The following SNRNP27 variants were observed in gnomAD, a reference collection of about 807,000 sequenced individuals.
SNRNP27 encodes the protein small nuclear ribonucleoprotein U4/U6.U5 subunit 27.
In SNRNP27, 22 loss-of-function variants were observed where a neutral mutation model predicts 25.1. The observed-to-expected ratio is 0.88, with a 90% CI of 0.63 to 1.25. The LOEUF is 1.25. Ranked by LOEUF, SNRNP27 falls within the 50% of genes most tolerant of loss-of-function variation. The pLI, the probability that SNRNP27 is intolerant of heterozygous loss-of-function variation, is 0.00. For synonymous variants in SNRNP27, 66 were observed against 64.9 expected, an observed-to-expected ratio of 1.02 and a Z score of -0.08; for missense variants, 150 against 202.3, an observed-to-expected ratio of 0.74 and a Z score of 1.57.
chr2:69,903,321 T>C lies in SNRNP27; in HGVS notation c.413+76T>C, dbSNP rs865810035. ...TTCAAACTTTATTATGAGATAATCA[T>C]GTTTGTAGGAAATGTAGCAGTTTTC... is the stretch of plus-strand genomic sequence containing the variant. On this transcript the variant is annotated intron_variant, in intron 5 of 5. Coordinates refer to ENST00000244227, the MANE Select transcript of SNRNP27 (RefSeq NM_006857.3). 6.3e-5 allele frequency: 66 copies of C among 1,040,402 alleles called. No homozygotes were observed. In the Middle Eastern group the frequency reaches 6.5e-4, roughly 10 times the overall value. The allele number at this position is 1,040,402 out of a possible 1,614,324, so 64.4% of individuals were successfully genotyped here.
At chr2:69,897,134 C>G (rs922168060) in intron 3 of SNRNP27, among the ~76,000 whole-genome samples, 1 of 97,596 alleles carries the variant, frequency 1.0e-5, no homozygotes, top group Non-Finnish European at 1.8e-5. Context: ...ATATGAAACC[C>G]AGGTTTTTTT....
At chr2:69,900,870 A>G (rs1268492082) in intron 4 of SNRNP27, among the ~76,000 whole-genome samples, 2 of 152,150 alleles carry the variant, frequency 1.3e-5, no homozygotes, top group Non-Finnish European at 2.9e-5. Context: ...TCATGGTTTT[A>G]TAGGGTAGAA....
rs141056929 is a variant in SNRNP27, at chr2:69,902,447, C to G, written c.349-734C>G. Among the ~76,000 whole-genome samples the G allele has an allele frequency of 5.2e-3, 797 of 152,238 alleles. 7 individuals carry two copies. Among genetic ancestry groups the G allele is most frequent in the East Asian group, 0.028 (143 of 5,190 alleles). ...GCTTCTTCTGCTGCTCCTTCTGCTG[C>G]TCTTGCTTCTTCTTCGGCTTCTGCT... On this transcript the variant is annotated intron_variant, in intron 4 of 5. Transcript: ENST00000244227.
intron 1 of SNRNP27, 80 bp downstream of exon 1, chr2:69,894,098 T>G (rs1676555436): frequency 7.5e-7 from 1 of 1,327,818 alleles, no homozygotes; most frequent in Non-Finnish European, 1.1e-6. Flanking sequence ...TTGTTTTTGG[T>G]AGCCGCGTAG....
chr2:69,894,356 T>C (rs980753986), intron 1 of SNRNP27, among the ~76,000 whole-genome samples: 8 of 152,214 alleles, frequency 5.3e-5, no homozygotes, highest in African/African-American at 1.9e-4. Context: ...TACTCAGCCT[T>C]TCTGAATCGA....
Position 69,903,927 on chromosome 2 carries a change from T to A in SNRNP27, c.414-327T>A, listed in dbSNP as rs553820622. ...ATGGGTGCCTGTTTTGGAACTCTTT[T>A]CTATTTCTAAATTATATGTTTCGTG... On this transcript the variant is annotated intron_variant, in intron 5 of 5. Coordinates refer to ENST00000244227, the MANE Select transcript of SNRNP27 (RefSeq NM_006857.3). Among the ~76,000 whole-genome samples the A allele has an allele frequency of 6.8e-4, 104 of 152,286 alleles. No homozygotes were observed. The South Asian group carries it at 0.012, about 17-fold the overall frequency.
rs574545972 is a variant in SNRNP27 at position 69,903,093 on chromosome 2, A to G, written c.349-88A>G. On this transcript the variant is annotated intron_variant, in intron 4 of 5. Transcript: ENST00000244227. Reference sequence around the variant, plus strand: ...GCCAAGTAGCTGGGAGTACAGGTACATGCCACTGCCACCACACCTGCTTTC... The same window carrying G: ...GCCAAGTAGCTGGGAGTACAGGTACGTGCCACTGCCACCACACCTGCTTTC... 22 of 1,034,656 alleles carry G rather than the reference A, an allele frequency of 2.1e-5. No individual in the cohort carries two copies. In the Admixed American group the frequency reaches 2.4e-4, roughly 11 times the overall value. 64.1% of individuals were successfully genotyped at this position (1,034,656 alleles called of 1,614,324 possible).
At chr2:69,895,370 C>T (rs960656898) in intron 2 of SNRNP27, among the ~76,000 whole-genome samples, 156 bp downstream of exon 2, 2 of 152,202 alleles carry the variant, frequency 1.3e-5, no homozygotes, top group Non-Finnish European at 2.9e-5. Context: ...TAACATTCAC[C>T]TTGGTTAAAT....
At chr2:69,902,265 T>TCTCCTCC (rs1412261920) in intron 4 of SNRNP27, among the ~76,000 whole-genome samples, 3 of 144,290 alleles carry the variant, frequency 2.1e-5, no homozygotes, top group African/African-American at 7.8e-5. Context: ...CCTTCTTTCT[T>TCTCCTCC]CTCCTTCCTC....
intron 4 of SNRNP27, among the ~76,000 whole-genome samples, chr2:69,900,042 C>G (rs1232922736): frequency 1.3e-5 from 2 of 151,314 alleles, no homozygotes; most frequent in Non-Finnish European, 2.9e-5. Flanking sequence ...AGGCTGTACT[C>G]AAACTCCTTG....
At chr2:69,894,208 G>C (rs1181432173) in intron 1 of SNRNP27, among the ~76,000 whole-genome samples, 190 bp downstream of exon 1, 1 of 152,170 alleles carries the variant, frequency 6.6e-6, no homozygotes, top group African/African-American at 2.4e-5. Flanking sequence ...CGGTTTGAAG[G>C]CAGTTGTTTG....
At position 69,893,989 on chromosome 2, in the gene SNRNP27, G is replaced by C; in HGVS notation, c.5G>C (p.Gly2Ala). The change falls in exon 1 of 6, where the codon GGT becomes GCT. Residue 2 changes from glycine (G) to alanine (A), a missense_variant. This residue lies in a region of SNRNP27 where 142 missense variants were observed against 168.6 expected (regional missense o/e 0.84). Coordinates refer to ENST00000244227, the MANE Select transcript of SNRNP27 (RefSeq NM_006857.3). M[G>A]RSRSRSPRRE... is the part of the protein sequence containing the mutation. The stretch of plus-strand genomic sequence containing the variant: ...TTCCGGGAAGCGGGACTCCAAATGG[G>C]TCGCAGTCGCAGCCGCTCTCCACGG... 1 of 1,614,092 alleles carries C rather than the reference G, an allele frequency of 6.2e-7. No individual in the cohort carries two copies. The highest frequency in any genetic ancestry group is 1.1e-5 in the South Asian group (1 of 91,068).
chr2:69,902,895 CTCTTCCTTCCTCCT>C (rs929105175), intron 4 of SNRNP27, among the ~76,000 whole-genome samples: 7 of 150,420 alleles, frequency 4.7e-5, no homozygotes, highest in African/African-American at 1.2e-4. Context: ...CCCTACTTCC[CTCTTCCTTCCTCCT>C]TCTTCCTTTC....
Position 69,899,934 on chromosome 2 carries a change from C to G in SNRNP27, c.348+2478C>G, listed in dbSNP as rs188732979. On this transcript the variant is annotated intron_variant, in intron 4 of 5. Coordinates refer to ENST00000244227, the MANE Select transcript of SNRNP27 (RefSeq NM_006857.3). ...CAGAGATAGGGTCTTGCTGTGCTGC[C>G]TAGATTGGTCTTGAACTCATGGCCT... Among the ~76,000 whole-genome samples, 53 of 152,042 alleles carry G rather than the reference C, an allele frequency of 3.5e-4. No individual in the cohort carries two copies. The East Asian group carries it at 9.8e-3, about 28-fold the overall frequency.
intron 2 of SNRNP27, 138 bp from the exon 3 acceptor site, chr2:69,896,298 C>T: frequency 1.3e-6 from 1 of 777,422 alleles, no homozygotes; most frequent in Non-Finnish European, 2.0e-6. Context: ...CAATCAAGGC[C>T]TTGGCAGAAC....
chr2:69,900,025 G>A (rs1045951769), intron 4 of SNRNP27, among the ~76,000 whole-genome samples: 2 of 149,886 alleles, frequency 1.3e-5, no homozygotes, highest in African/African-American at 4.9e-5. Context: ...GTCTTCCTAT[G>A]TTGTCCAGGC....
intron 2 of SNRNP27, 73 bp from the exon 3 acceptor site, chr2:69,896,363 A>T: frequency 7.3e-7 from 1 of 1,374,724 alleles, no homozygotes; most frequent in Admixed American, 1.8e-5. Flanking sequence ...AGCTCACCTC[A>T]TGTATATCTG....
At chr2:69,896,320 C>G (rs1000861754) in intron 2 of SNRNP27, 116 bp from the exon 3 acceptor site, 1 of 962,092 alleles carries the variant, frequency 1.0e-6, no homozygotes, top group African/African-American at 1.7e-5. Context: ...TTTTTCCTCA[C>G]TTTGCTATAC....
intron 4 of SNRNP27, among the ~76,000 whole-genome samples, chr2:69,902,935 CTTCTT>C (rs1676732984): frequency 8.6e-6 from 1 of 115,608 alleles, no homozygotes; most frequent in African/African-American, 4.0e-5. Flanking sequence ...CTTTCTTCTT[CTTCTT>C]TTTTTTTTTT....
Sources: allele counts gnomAD v4.1 joint callset (sites outside exome capture counted in the v4.1 genomes callset), GRCh38; gene constraint gnomAD v4.1.1; regional missense constraint gnomAD v4.1.1; transcripts MANE v1.5; gene names NCBI Gene and HGNC (gene_info 2026-07-23, HGNC 2026-07-21).